Variants in PCSK6 observed in about 807,000 individuals in gnomAD.
PCSK6 encodes the protein proprotein convertase subtilisin/kexin type 6, also known as paired basic amino acid cleaving enzyme 4.
PCSK6 carries 85 observed loss-of-function variants against 123.3 expected under a neutral mutation model. That is an observed-to-expected ratio of 0.69 (90% confidence interval 0.58 to 0.83). The LOEUF is 0.83. PCSK6 is among the 40% of genes least tolerant of loss of function. PCSK6 has a pLI of 0.00. For synonymous variants in PCSK6, 508 were observed against 516.0 expected, an observed-to-expected ratio of 0.98 and a Z score of 0.21; for missense variants, 1,191 against 1,282.3, an observed-to-expected ratio of 0.93 and a Z score of 1.09.
At chr15:101,428,994 G>A (rs1016922210) in intron 5 of PCSK6, among the ~76,000 whole-genome samples, 4 of 152,212 alleles carry the variant, frequency 2.6e-5, no homozygotes, top group South Asian at 2.1e-4. Flanking sequence ...GCAGGCTCGC[G>A]GGAGCTCTGC....
intron 8 of PCSK6, among the ~76,000 whole-genome samples, chr15:101,390,554 G>A (rs866784730): frequency 1.4e-4 from 22 of 152,176 alleles, no homozygotes; most frequent in Non-Finnish European, 1.3e-4. Flanking sequence ...TGGACCCACC[G>A]CTGCTGGCAT....
chr15:101,429,120 G>A lies in PCSK6; in HGVS notation c.734+867C>T, dbSNP rs558058328. Reference sequence around the variant, plus strand: ...AACTAAAAGACTATAATCGGGAGACGCCCCTCAGCAAGAGTCTTGTCAACA... The same window carrying A: ...AACTAAAAGACTATAATCGGGAGACACCCCTCAGCAAGAGTCTTGTCAACA... On this transcript the variant is annotated intron_variant, in intron 5 of 21. Transcript: ENST00000611716. 6.6e-5 allele frequency among the ~76,000 whole-genome samples: 10 copies of A among 152,300 alleles called. No individual in the cohort carries two copies. In the East Asian group the frequency reaches 1.2e-3, roughly 18 times the overall value.
intron 6 of PCSK6, among the ~76,000 whole-genome samples, chr15:101,408,037 ACAGAAGTG>A (rs2042830865): frequency 6.6e-6 from 1 of 152,182 alleles, no homozygotes; most frequent in Non-Finnish European, 1.5e-5. Flanking sequence ...GGGCTGGAGA[ACAGAAGTG>A]CATGGCCCAG....
intron 6 of PCSK6, among the ~76,000 whole-genome samples, chr15:101,427,209 A>C (rs1466743): frequency 6.6e-6 from 1 of 152,310 alleles, no homozygotes; most frequent in Non-Finnish European, 1.5e-5. Flanking sequence ...CACGCGGGGC[A>C]GGGGCGGCTG....
intron 16 of PCSK6, 37 bp from the exon 17 acceptor site, chr15:101,325,083 A>G: frequency 6.6e-7 from 1 of 1,522,314 alleles, no homozygotes; most frequent in Non-Finnish European, 8.9e-7. Context: ...GGGCCTTGCC[A>G]ACCCAGCCCC....
At chr15:101,382,008 C>T (rs905583321) in intron 11 of PCSK6, 84 bp downstream of exon 11, 30 of 871,272 alleles carry the variant, frequency 3.4e-5, no homozygotes, top group Non-Finnish European at 5.0e-5. Flanking sequence ...CATGTGTGAA[C>T]ACCTCCCCCA....
intron 13 of PCSK6, among the ~76,000 whole-genome samples, chr15:101,351,120 CCT>C (rs1197700465): frequency 6.6e-6 from 1 of 152,148 alleles, no homozygotes. Flanking sequence ...CTACTGGACC[CCT>C]CTTTTACCAA....
chr15:101,376,109 T>C (rs2041733176), intron 11 of PCSK6, among the ~76,000 whole-genome samples: 1 of 152,186 alleles, frequency 6.6e-6, no homozygotes, highest in African/African-American at 2.4e-5. Context: ...TTTTGTTTTT[T>C]AGAGACAGGG....
chr15:101,305,453 A>G lies in PCSK6; in HGVS notation c.2813-98T>C, dbSNP rs2039702204. The G allele has an allele frequency of 1.0e-6, 1 of 974,974 alleles. No individual in the cohort carries two copies. Among genetic ancestry groups the G allele is most frequent in the Non-Finnish European group, 1.6e-6 (1 of 637,070 alleles). The allele number at this position is 974,974 out of a possible 1,614,324, so 60.4% of individuals were successfully genotyped here. On this transcript the variant is annotated intron_variant, in intron 21 of 21. Coordinates refer to ENST00000611716, the MANE Select transcript of PCSK6 (RefSeq NM_002570.5). This position sits in a 1 kb window ranked among gnomAD's most constrained non-coding sequence, Gnocchi z 4.8. ...CCGGGCGCGGTGCCTCATGCCTGTA[A>G]TCCCAGCACTTTGGGAGGCCGAGGT...
At chr15:101,374,299 A>G (rs1455399022) in intron 11 of PCSK6, among the ~76,000 whole-genome samples, 1 of 150,822 alleles carries the variant, frequency 6.6e-6, no homozygotes, top group Non-Finnish European at 1.5e-5. Context: ...TTTTTTTTCC[A>G]ATGCATAATA....
At chr15:101,364,763 C>T (rs2041338917) in intron 13 of PCSK6, 1 of 449,098 alleles carries the variant, frequency 2.2e-6, no homozygotes, top group Non-Finnish European at 4.0e-6. Flanking sequence ...CAATCTCTAC[C>T]AGAATTCCAA....
In PCSK6 at chr15:101,305,171, C is replaced by T. The variant is rs1057510876; in HGVS notation, c.*87G>A. On this transcript the variant is annotated 3_prime_UTR_variant, in exon 22 of 22. Transcript: ENST00000611716. This position sits in a 1 kb window ranked among gnomAD's most constrained non-coding sequence, Gnocchi z 4.8. ...AGCTGTCAGGTGCAGGGCGCCGCTCCTGAAACAGACTCTGGCCGACAGTCT... is the reference window on the plus strand; with the variant it reads ...AGCTGTCAGGTGCAGGGCGCCGCTCTTGAAACAGACTCTGGCCGACAGTCT... The T allele has an allele frequency of 3.2e-5, 38 of 1,187,298 alleles. No individual in the cohort carries two copies. In the African/African-American group the frequency reaches 5.4e-4, roughly 17 times the overall value. 73.5% of individuals were successfully genotyped at this position (1,187,298 alleles called of 1,614,324 possible).
intron 13 of PCSK6, chr15:101,364,969 T>A (rs1253382280): frequency 2.6e-6 from 2 of 777,682 alleles, no homozygotes; most frequent in Non-Finnish European, 4.8e-6. Flanking sequence ...TACAGACCAA[T>A]GGAACAGAAT....
intron 1 of PCSK6, among the ~76,000 whole-genome samples, chr15:101,471,181 C>T (rs896231149): frequency 2.0e-5 from 3 of 152,070 alleles, no homozygotes; most frequent in African/African-American, 7.2e-5. Context: ...CCAGTGTAGC[C>T]CCAGAACATC....
chr15:101,306,818 G>A (rs552138867), intron 21 of PCSK6, among the ~76,000 whole-genome samples: 16 of 152,276 alleles, frequency 1.1e-4, no homozygotes, highest in African/African-American at 2.2e-4. Flanking sequence ...TGTCCCCCTC[G>A]TCCTGAGCAG....
chr15:101,427,556 G>T (rs139843914), intron 6 of PCSK6, among the ~76,000 whole-genome samples: 271 of 152,318 alleles, frequency 1.8e-3, no homozygotes, highest in African/African-American at 5.6e-3. Context: ...GGGAAGTGAC[G>T]GAGCCACTGA....
chr15:101,347,155 A>C lies in PCSK6; in HGVS notation c.1859-15124T>G, dbSNP rs1460141112. ...TTCCAGAAATGAGAGTTTAGTGACA[A>C]ACTTGAAAGCCGGCACAGAAGGCAT... is the stretch of plus-strand genomic sequence containing the variant. On this transcript the variant is annotated intron_variant, in intron 13 of 21. Transcript: ENST00000611716. 4 of 1,231,664 alleles carry C rather than the reference A, an allele frequency of 3.2e-6. No individual in the cohort carries two copies. In the African/African-American group the frequency reaches 6.2e-5, roughly 19 times the overall value. 76.3% of individuals were successfully genotyped at this position (1,231,664 alleles called of 1,614,324 possible). A position where few individuals can be genotyped will look rare whatever the true frequency, so the allele number is the denominator to read the frequency against.
rs767327316 is a variant in PCSK6 at position 101,326,458 on chromosome 15, C to T, written c.2099G>A (p.Gly700Asp). The change falls in exon 16 of 22, where the codon GGT becomes GAT. Residue 700 changes from glycine (G) to aspartate (D), a missense_variant. Gly to Asp is a moderately conservative substitution (Grantham distance 94). Around this residue, in one of 3 missense-constraint regions of PCSK6, gnomAD observed 630 missense variants for 631.4 expected, o/e 1.00. Coordinates refer to ENST00000611716, the MANE Select transcript of PCSK6 (RefSeq NM_002570.5). Reference sequence around the variant, plus strand: ...ATTGGGGCCATCACAGCCTTTGTCACCACACTCCGGATGGCACACACCTTA... The same window carrying T: ...ATTGGGGCCATCACAGCCTTTGTCATCACACTCCGGATGGCACACACCTTA... ...LQTSVCHPEC[G>D]DKGCDGPNAD... 1 of 1,582,756 alleles carries T rather than the reference C, an allele frequency of 6.3e-7. No individual in the cohort carries two copies. Among genetic ancestry groups the T allele is most frequent in the Non-Finnish European group, 8.6e-7 (1 of 1,164,114 alleles).
intron 12 of PCSK6, 56 bp from the exon 13 acceptor site, chr15:101,366,388 G>C: frequency 6.4e-7 from 1 of 1,554,740 alleles, no homozygotes; most frequent in Non-Finnish European, 8.7e-7. Flanking sequence ...GTGGCTGGGC[G>C]GAGGGGCTGG....
Sources: allele counts gnomAD v4.1 joint callset (sites outside exome capture counted in the v4.1 genomes callset), GRCh38; gene constraint gnomAD v4.1.1; regional missense constraint gnomAD v4.1.1; non-coding constraint Gnocchi (gnomAD v3.1); transcripts MANE v1.5; gene names NCBI Gene and HGNC (gene_info 2026-07-23, HGNC 2026-07-21).